Variants in MGARP observed in about 807,000 individuals in gnomAD.
The protein encoded by MGARP is mitochondria localized glutamic acid rich protein.
In MGARP, 12 loss-of-function variants were observed where a neutral mutation model predicts 11.0. The observed-to-expected ratio is 1.09, with a 90% CI of 0.70 to 1.77. The LOEUF (loss-of-function observed/expected upper bound fraction) is 1.77, where lower values mean the gene tolerates loss of function less well. MGARP is among the 40% of genes most tolerant of loss of function. The pLI is 0.00. For synonymous variants in MGARP, 110 were observed against 115.4 expected (o/e 0.95, Z 0.30); for missense variants, 283 against 297.8 (o/e 0.95, Z 0.36).
At chr4:139,270,008 C>T (rs147650635) in intron 2 of MGARP, among the ~76,000 whole-genome samples, 70 of 152,066 alleles carry the variant, frequency 4.6e-4, no homozygotes, top group African/African-American at 1.6e-3. Context: ...AATAGAATGT[C>T]TGTAATGTCG....
intron 2 of MGARP, 109 bp from the exon 3 acceptor site, chr4:139,268,874 A>G: frequency 2.7e-6 from 2 of 733,974 alleles, no homozygotes; most frequent in Non-Finnish European, 2.2e-6. Context: ...AGTTTAAACC[A>G]TAATCCCAGT....
At chr4:139,274,028 T>C (rs1272083295) in intron 2 of MGARP, among the ~76,000 whole-genome samples, 2 of 152,188 alleles carry the variant, frequency 1.3e-5, no homozygotes, top group East Asian at 3.8e-4. Context: ...ATGTCTATGT[T>C]GCATTTTTTA....
intron 3 of MGARP, 91 bp downstream of exon 3, chr4:139,268,581 A>G: frequency 1.1e-6 from 1 of 869,986 alleles, no homozygotes; most frequent in Non-Finnish European, 1.7e-6. Context: ...GAAAGAAGCC[A>G]AAAGCAAATA....
rs775898957 is a variant in MGARP, at chr4:139,280,102, G to C, written c.57C>G (p.Pro19=). ...KTLALPLRAP[P]NPAPLGKDAS... ...CGTCCTTTCCGAGCGGCGCGGGGTT[G>C]GGGGGCGCCCTCAGCGGCAGCGCCA... is the stretch of plus-strand genomic sequence containing the variant. The change falls in exon 1 of 4, where the codon CCC becomes CCG. Residue 19 remains proline, a synonymous_variant. Coordinates refer to ENST00000398955, the MANE Select transcript of MGARP (RefSeq NM_032623.4). The C allele has an allele frequency of 6.2e-6, 10 of 1,611,764 alleles. No individual in the cohort carries two copies. In the African/African-American group the frequency reaches 1.2e-4, roughly 19 times the overall value.
intron 2 of MGARP, among the ~76,000 whole-genome samples, chr4:139,274,189 T>C (rs1472029599): frequency 2.6e-5 from 4 of 152,216 alleles, no homozygotes; most frequent in Non-Finnish European, 5.9e-5. Flanking sequence ...ATGAAACGAC[T>C]CTGTATGATA....
chr4:139,278,920 C>G (rs936420580), intron 1 of MGARP, among the ~76,000 whole-genome samples: 5 of 152,114 alleles, frequency 3.3e-5, no homozygotes, highest in Admixed American at 6.6e-5. Flanking sequence ...AGTTAGACCT[C>G]CGTCCTTCCC....
intron 2 of MGARP, among the ~76,000 whole-genome samples, chr4:139,272,916 G>GGGTTC (rs1744808585): frequency 6.6e-6 from 1 of 151,952 alleles, no homozygotes; most frequent in Non-Finnish European, 1.5e-5. Context: ...TTGAACTCCT[G>GGGTTC]AACTCGTGAT....
chr4:139,271,998 C>A (rs1035970470), intron 2 of MGARP, among the ~76,000 whole-genome samples: 4 of 151,958 alleles, frequency 2.6e-5, no homozygotes, highest in Non-Finnish European at 4.4e-5. Context: ...ATAGTGATGT[C>A]CAAATGAAAT....
chr4:139,279,271 G>C (rs1283156214), intron 1 of MGARP, among the ~76,000 whole-genome samples: 2 of 152,122 alleles, frequency 1.3e-5, no homozygotes, highest in Admixed American at 1.3e-4. Flanking sequence ...AGCACTATAC[G>C]AAGCGCTTTC....
chr4:139,274,289 T>C (rs912941701), intron 2 of MGARP, among the ~76,000 whole-genome samples: 4 of 152,198 alleles, frequency 2.6e-5, no homozygotes, highest in East Asian at 1.9e-4. Flanking sequence ...CCCTGGACTT[T>C]AGTTAATAAT....
intron 1 of MGARP, among the ~76,000 whole-genome samples, chr4:139,277,114 A>C (rs1050516315): frequency 6.6e-6 from 1 of 152,218 alleles, no homozygotes; most frequent in Non-Finnish European, 1.5e-5. Flanking sequence ...CAGTGCTCAG[A>C]AAGTTTCTAA....
chr4:139,271,658 G>C (rs2110731040), intron 2 of MGARP, among the ~76,000 whole-genome samples: 1 of 152,270 alleles, frequency 6.6e-6, no homozygotes, highest in South Asian at 2.1e-4. Flanking sequence ...ATCTAATATA[G>C]AGATTATTTT....
At chr4:139,268,207 C>T (rs1744726088) in intron 3 of MGARP, among the ~76,000 whole-genome samples, 1 of 151,974 alleles carries the variant, frequency 6.6e-6, no homozygotes, top group Admixed American at 6.6e-5. Context: ...GTTTCTGTTC[C>T]CATGGTCACC....
At chr4:139,272,584 T>C (rs1179435351) in intron 2 of MGARP, among the ~76,000 whole-genome samples, 2 of 138,992 alleles carry the variant, frequency 1.4e-5, no homozygotes, top group Non-Finnish European at 3.1e-5. Flanking sequence ...AAAAAAATTC[T>C]GAGGATTAGA....
At chr4:139,278,848 T>C (rs1191398588) in intron 1 of MGARP, among the ~76,000 whole-genome samples, 1 of 152,212 alleles carries the variant, frequency 6.6e-6, no homozygotes, top group African/African-American at 2.4e-5. Flanking sequence ...AGATGTCTTA[T>C]TTCTGATACT....
rs970877143 is a variant in MGARP, at chr4:139,268,686, A to G, written c.266T>C (p.Ile89Thr). 6.2e-7 allele frequency: 1 copy of G among 1,604,484 alleles called. No individual in the cohort carries two copies. The highest frequency in any genetic ancestry group is 1.3e-5 in the African/African-American group (1 of 74,676). ...AATTCATTTACCTTGAAATGGATGT[A>G]TCTCTGCTTTTGTTTTTTCTTTCAA... ...TNLKEKTKAE[I>T]HPFQGEKENV... is the part of the protein sequence containing the mutation. The change falls in exon 3 of 4, where the codon ATA becomes ACA. Residue 89 changes from isoleucine (I) to threonine (T), a missense_variant. Ile to Thr is a moderately conservative substitution (Grantham distance 89). Coordinates refer to ENST00000398955, the MANE Select transcript of MGARP (RefSeq NM_032623.4).
intron 2 of MGARP, among the ~76,000 whole-genome samples, chr4:139,269,698 G>T (rs1332098868): frequency 2.7e-5 from 4 of 150,246 alleles, no homozygotes; most frequent in Non-Finnish European, 5.9e-5. Flanking sequence ...TTTAATCACA[G>T]ACAAAATGTG....
At chr4:139,276,776 G>C (rs1744881351) in intron 1 of MGARP, among the ~76,000 whole-genome samples, 1 of 152,152 alleles carries the variant, frequency 6.6e-6, no homozygotes, top group South Asian at 2.1e-4. Flanking sequence ...CTTGAGTCCT[G>C]CAGTGAGCTG....
Position 139,280,182 on chromosome 4 carries a change from C to A in MGARP, c.-24G>T. The A allele has an allele frequency of 1.3e-6, 2 of 1,598,996 alleles. No individual in the cohort carries two copies. The highest frequency in any genetic ancestry group is 1.7e-5 in the Admixed American group (1 of 58,826). ...ATCGCGCCCGCTGTCCGCCGCGCAG[C>A]AGCCTCGGTACCCAGGCGCAGGCTG... On this transcript the variant is annotated 5_prime_UTR_variant, in exon 1 of 4. Transcript: ENST00000398955.
Sources: allele counts gnomAD v4.1 joint callset (sites outside exome capture counted in the v4.1 genomes callset), GRCh38; gene constraint gnomAD v4.1.1; transcripts MANE v1.5; gene names NCBI Gene and HGNC (gene_info 2026-07-23, HGNC 2026-07-21).